PAX2: variants seen among roughly 807,000 people sequenced by gnomAD.
PAX2 encodes paired box 2, also known as paired box protein Pax-2.
In PAX2, 9 loss-of-function variants were observed where a neutral mutation model predicts 41.7. The observed-to-expected ratio is 0.22, with a 90% CI of 0.13 to 0.38. PAX2 has a LOEUF of 0.38. Among genes scored for constraint, PAX2 ranks in the 10% least tolerant of loss-of-function variants. The pLI is 1.00. For synonymous variants in PAX2, 221 were observed against 212.7 expected, an observed-to-expected ratio of 1.04 and a Z score of -0.34; for missense variants, 418 against 531.6, an observed-to-expected ratio of 0.79 and a Z score of 2.10.
At chr10:100,785,641 T>C (rs1846818071) in intron 5 of PAX2, among the ~76,000 whole-genome samples, 1 of 152,182 alleles carries the variant, frequency 6.6e-6, no homozygotes, top group African/African-American at 2.4e-5. Context: ...CCAAGAGTGT[T>C]GCTCAGGTTA....
upstream of PAX2, among the ~76,000 whole-genome samples, chr10:100,742,607 T>G (rs1448074747): frequency 2.0e-5 from 3 of 152,064 alleles, no homozygotes; most frequent in Non-Finnish European, 2.9e-5. Flanking sequence ...TCAGAGCAAC[T>G]CCCCAAAAGT....
chr10:100,754,088 A>G (rs965264263), intron 3 of PAX2, among the ~76,000 whole-genome samples: 1 of 152,200 alleles, frequency 6.6e-6, no homozygotes, highest in African/African-American at 2.4e-5. Context: ...GGGACTTTAG[A>G]TTGAAACCTG....
At chr10:100,738,127 G>A (rs1415620185) in intron 1 of PAX2, among the ~76,000 whole-genome samples, 1 of 152,216 alleles carries the variant, frequency 6.6e-6, no homozygotes, top group Non-Finnish European at 1.5e-5. Context: ...CTGGGGCCCT[G>A]AGCTCCCTCC....
In PAX2 at chr10:100,781,691, G is replaced by A. The variant is rs4559621; in HGVS notation, c.616+326G>A. On this transcript the variant is annotated intron_variant, in intron 5 of 9. Transcript: ENST00000355243. ...GAGTTGGGGGAACAGCTGGTCTCTG[G>A]CCTGAGGATGAAAGGCCAACCTACC... Among the ~76,000 whole-genome samples, 45,041 of 152,110 alleles carry A rather than the reference G, an allele frequency of 0.3. 8,628 individuals are homozygous for A. The highest frequency in any genetic ancestry group is 0.54 in the African/African-American group (22,197 of 41,448).
intron 3 of PAX2, among the ~76,000 whole-genome samples, chr10:100,751,580 C>T (rs1471703582): frequency 1.3e-5 from 2 of 152,220 alleles, no homozygotes; most frequent in Admixed American, 6.5e-5. Context: ...GAAGTCTTTG[C>T]ACTGATGACA....
In PAX2 at chr10:100,748,079, C is replaced by T. The variant is rs1427480842; in HGVS notation, c.44-1667C>T. 2 of 984,960 alleles carry T rather than the reference C, an allele frequency of 2.0e-6. No individual in the cohort carries two copies. Among genetic ancestry groups the T allele is most frequent in the Non-Finnish European group, 1.2e-6 (1 of 829,900 alleles). The allele number at this position is 984,960 out of a possible 1,614,324, so 61.0% of individuals were successfully genotyped here. On this transcript the variant is annotated intron_variant, in intron 1 of 9. Transcript: ENST00000355243. The surrounding 1 kb of genome is among the most constrained non-coding windows in gnomAD (Gnocchi z 5.0). ...CGGCCGTGGCGCATTCCAGGCCCGA[C>T]TCAGCGCCGACTCGCTGCAGTCCCC...
intron 3 of PAX2, among the ~76,000 whole-genome samples, chr10:100,778,219 T>G (rs1846471144): frequency 6.6e-6 from 1 of 152,190 alleles, no homozygotes; most frequent in Non-Finnish European, 1.5e-5. Context: ...CAGCCCAGTG[T>G]CCTTTCCGCC....
rs753747303 is a variant in PAX2, at chr10:100,828,266, C to A, written c.*647C>A. ...GGGTGTGGGGGTCCGGCTCTAGGAA[C>A]GGGCTTTGGGGGCGTCAGGTCTTTC... On this transcript the variant is annotated 3_prime_UTR_variant, in exon 10 of 10. Transcript: ENST00000355243. The surrounding 1 kb of genome is among the most constrained non-coding windows in gnomAD (Gnocchi z 6.5). The A allele has an allele frequency of 2.6e-5, 6 of 232,622 alleles. No homozygotes were observed. Among genetic ancestry groups the A allele is most frequent in the Admixed American group, 5.6e-5 (1 of 17,756 alleles). 14.4% of individuals were successfully genotyped at this position (232,622 alleles called of 1,614,324 possible).
intron 7 of PAX2, among the ~76,000 whole-genome samples, chr10:100,815,862 C>G (rs1044574762): frequency 6.6e-6 from 1 of 152,184 alleles, no homozygotes; most frequent in East Asian, 1.9e-4. Context: ...GGCTGCCCTT[C>G]CCAGGAGGGT....
intron 8 of PAX2, among the ~76,000 whole-genome samples, chr10:100,825,151 G>T (rs1028439036): frequency 2.6e-5 from 4 of 152,080 alleles, no homozygotes; most frequent in African/African-American, 4.8e-5. Context: ...ATTTCCAGGG[G>T]CATGTCAGTC....
At chr10:100,804,622 C>T (rs934478675) in intron 5 of PAX2, among the ~76,000 whole-genome samples, 2 of 152,190 alleles carry the variant, frequency 1.3e-5, no homozygotes, top group Admixed American at 1.3e-4. Context: ...TGTGGCCTCA[C>T]AGTCCTCATG....
intron 6 of PAX2, 122 bp from the exon 7 acceptor site, chr10:100,808,988 C>A: frequency 2.2e-6 from 2 of 908,024 alleles, no homozygotes; most frequent in East Asian, 2.4e-5. Context: ...CTCCCCTCTG[C>A]CCCACCATCT....
At chr10:100,761,630 G>T (rs911398251) in intron 3 of PAX2, among the ~76,000 whole-genome samples, 3 of 152,220 alleles carry the variant, frequency 2.0e-5, no homozygotes, top group African/African-American at 7.2e-5. Flanking sequence ...TTTGTCCAGT[G>T]GTGCTGCCCA....
chr10:100,801,730 C>T lies in PAX2; in HGVS notation c.617-4700C>T, dbSNP rs767510684. On this transcript the variant is annotated intron_variant, in intron 5 of 9. Coordinates refer to ENST00000355243, the MANE Select transcript of PAX2 (RefSeq NM_000278.5). ...GTGCCAGGCAAAGAACGAGGGATGCCGAGAGGAAGGCTGTGCCCTGGATGG... is the reference window on the plus strand; with the variant it reads ...GTGCCAGGCAAAGAACGAGGGATGCTGAGAGGAAGGCTGTGCCCTGGATGG... Among the ~76,000 whole-genome samples the T allele has an allele frequency of 5.8e-4, 88 of 152,318 alleles. 4 individuals carry two copies. The highest frequency in any genetic ancestry group is 3.3e-4 in the Admixed American group (5 of 15,308).
At chr10:100,742,463 G>T (rs1844994394), upstream of PAX2, among the ~76,000 whole-genome samples, 1 of 151,330 alleles carries the variant, frequency 6.6e-6, no homozygotes, top group Non-Finnish European at 1.5e-5. Flanking sequence ...GCAAGGTTGG[G>T]GGCCGCCAGG....
intron 1 of PAX2, among the ~76,000 whole-genome samples, chr10:100,736,124 C>T (rs1352958077): frequency 4.6e-5 from 7 of 152,090 alleles, no homozygotes; most frequent in Admixed American, 3.3e-4. Flanking sequence ...GGGCCAGCGC[C>T]TATGCCAGTG....
intron 5 of PAX2, among the ~76,000 whole-genome samples, chr10:100,798,128 T>A (rs12769015): frequency 1.9e-4 from 21 of 108,986 alleles, no homozygotes; most frequent in African/African-American, 5.9e-4. Context: ...TTTTTTTTTT[T>A]AGACAGGGTC....
chr10:100,793,461 C>T (rs1847210509), intron 5 of PAX2, among the ~76,000 whole-genome samples: 2 of 152,256 alleles, frequency 1.3e-5, no homozygotes, highest in South Asian at 2.1e-4. Context: ...CGTTCCACTT[C>T]TTAATACATG....
intron 5 of PAX2, among the ~76,000 whole-genome samples, chr10:100,801,586 C>T (rs1489617562): frequency 6.6e-6 from 1 of 152,240 alleles, no homozygotes; most frequent in African/African-American, 2.4e-5. Context: ...AAAGTCACTG[C>T]CCACCCCTGC....
Sources: allele counts gnomAD v4.1 joint callset (sites outside exome capture counted in the v4.1 genomes callset), GRCh38; gene constraint gnomAD v4.1.1; non-coding constraint Gnocchi (gnomAD v3.1); transcripts MANE v1.5; gene names NCBI Gene and HGNC (gene_info 2026-07-23, HGNC 2026-07-21).